PPP1R15A: variants seen among roughly 807,000 people sequenced by gnomAD.
The protein encoded by PPP1R15A is protein phosphatase 1 regulatory subunit 15A.
PPP1R15A carries 43 observed loss-of-function variants against 48.5 expected under a neutral mutation model. That is an observed-to-expected ratio of 0.89 (90% CI 0.69 to 1.14). The LOEUF is 1.14. Among genes scored for constraint, PPP1R15A ranks in the 50% most tolerant of loss-of-function variants. PPP1R15A has a pLI of 0.00. For missense variants in PPP1R15A, 868 were observed against 847.2 expected (o/e 1.02, Z -0.30); for synonymous variants, 327 against 327.4 (o/e 1.00, Z 0.01).
At chr19:48,874,988 T>C (rs595982) in intron 2 of PPP1R15A, 90 bp downstream of exon 2, 471,004 of 1,377,576 alleles carry the variant, frequency 0.34, 83,294 homozygotes, top group African/African-American at 0.52. Flanking sequence ...TGCAGCGGCA[T>C]GATCTTGGCT....
Position 48,874,101 on chromosome 19 carries a change from T to A in PPP1R15A, c.868T>A (p.Ser290Thr), listed in dbSNP as rs2037046385. 7 of 1,614,114 alleles carry A rather than the reference T, an allele frequency of 4.3e-6. No individual in the cohort carries two copies. The highest frequency in any genetic ancestry group is 5.9e-6 in the Non-Finnish European group (7 of 1,180,036). Residue 290 changes from serine (S) to threonine (T), a missense_variant, in exon 2 of 3, where the codon TCC (serine) becomes ACC (threonine). Transcript: ENST00000200453. The stretch of plus-strand genomic sequence containing the variant: ...AGGAGAAGCTGCCCCAGGGCCGCAA[T>A]CCTCAGCCCCAGCCCAGAGGCCCCA... ...GKGEAAPGPQ[S>T]SAPAQRPQLK...
At chr19:48,875,104 AT>A (rs2037065313) in intron 2 of PPP1R15A, 2 of 564,312 alleles carry the variant, frequency 3.5e-6, no homozygotes, top group African/African-American at 1.9e-5. Context: ...TTTTTTTTGT[AT>A]TTTTAGTAGA....
chr19:48,874,166 G>A lies in PPP1R15A; in HGVS notation c.933G>A (p.Glu311=), dbSNP rs147205273. ...SWWCQPSDEE[E]GEVKALGAAE... is the part of the protein sequence containing the mutation. ...GGTGCCAACCCAGTGATGAAGAGGA[G>A]GGTGAGGTCAAGGCTTTGGGGGCAG... Residue 311 remains glutamate (E), a synonymous_variant, in exon 2 of 3, where the codon GAG becomes GAA. Coordinates refer to ENST00000200453, the MANE Select transcript of PPP1R15A (RefSeq NM_014330.5). 6.7e-5 allele frequency: 108 copies of A among 1,614,154 alleles called. No individual in the cohort carries two copies. The African/African-American group carries it at 1.4e-3, about 21-fold the overall frequency.
intron 2 of PPP1R15A, 25 bp downstream of exon 2, chr19:48,874,923 A>AT (rs146617539): frequency 0.044 from 58,233 of 1,315,116 alleles, 16 homozygotes; most frequent in South Asian, 0.05. Flanking sequence ...CCCAGATTCT[A>AT]TTTTTTTTTT....
intron 2 of PPP1R15A, 167 bp from the exon 3 acceptor site, chr19:48,875,447 A>T: frequency 1.2e-6 from 1 of 833,148 alleles, no homozygotes; most frequent in Non-Finnish European, 1.7e-6. Flanking sequence ...TGAGTCAGAT[A>T]GATAGAGAAT....
In PPP1R15A at chr19:48,873,470, T is replaced by G. The variant is rs758409379; in HGVS notation, c.237T>G (p.Pro79=). 6.2e-7 allele frequency: 1 copy of G among 1,613,942 alleles called. No homozygotes were observed. Among genetic ancestry groups the G allele is most frequent in the Admixed American group, 1.7e-5 (1 of 59,962 alleles). The change falls in exon 2 of 3, where the codon CCT becomes CCG. Residue 79 remains proline, a synonymous_variant. Transcript: ENST00000200453. ...CCCATACCCCTTGGGGCAGACGCCC[T>G]GAAGAGGAGGCTGAAGACAGTGGAG... ...AIPHTPWGRR[P]EEEAEDSGGP...
intron 2 of PPP1R15A, 116 bp from the exon 3 acceptor site, chr19:48,875,498 C>T: frequency 1.5e-6 from 2 of 1,344,742 alleles, no homozygotes; most frequent in South Asian, 2.8e-5. Flanking sequence ...AGATAGAAAG[C>T]ATTTTTGTGT....
chr19:48,875,034 C>T (rs1219119495), intron 2 of PPP1R15A, 136 bp downstream of exon 2: 2 of 1,102,964 alleles, frequency 1.8e-6, no homozygotes, highest in South Asian at 4.3e-5. Context: ...TCAGGCGATT[C>T]TCGTGCCTCA....
At position 48,875,707 on chromosome 19, in the gene PPP1R15A, C is replaced by A. The variant is rs538298636; in HGVS notation, c.1759C>A (p.Arg587=). The change falls in exon 3 of 3, where the codon CGG becomes AGG. Residue 587 remains arginine (R), a synonymous_variant. Coordinates refer to ENST00000200453, the MANE Select transcript of PPP1R15A (RefSeq NM_014330.5). ...CCAGGGCCCCTGGGAGCAGCTTGCT[C>A]GGGATCGCAGCCGCTTCGCACGCCG... The part of the protein sequence containing the change: ...ARQGPWEQLA[R]DRSRFARRIT... 4.3e-6 allele frequency: 7 copies of A among 1,612,532 alleles called. No individual in the cohort carries two copies. The highest frequency in any genetic ancestry group is 5.9e-6 in the Non-Finnish European group (7 of 1,179,392).
At position 48,873,704 on chromosome 19, in the gene PPP1R15A, C is replaced by T. The variant is rs766671787; in HGVS notation, c.471C>T (p.Asn157=). Residue 157 remains asparagine (N), a synonymous_variant, in exon 2 of 3, where the codon AAC becomes AAT. Coordinates refer to ENST00000200453, the MANE Select transcript of PPP1R15A (RefSeq NM_014330.5). Reference sequence around the variant, plus strand: ...GGACACTGCAAGGTTCTGATAAGAACCCAGGGGAGGAGAAAGCCGAGGAAG... The same window carrying T: ...GGACACTGCAAGGTTCTGATAAGAATCCAGGGGAGGAGAAAGCCGAGGAAG... ...LIRTLQGSDK[N]PGEEKAEEEG... 1.4e-5 allele frequency: 22 copies of T among 1,614,016 alleles called. No homozygotes were observed. The Middle Eastern group carries it at 6.6e-4, about 48-fold the overall frequency.
Position 48,874,166 on chromosome 19 carries a change from G to C in PPP1R15A, c.933G>C (p.Glu311Asp). 1 of 1,614,154 alleles carries C rather than the reference G, an allele frequency of 6.2e-7. No individual in the cohort carries two copies. The highest frequency in any genetic ancestry group is 2.2e-5 in the East Asian group (1 of 44,882). Reference protein sequence around the residue: ...SWWCQPSDEEEGEVKALGAAE... With the variant: ...SWWCQPSDEEDGEVKALGAAE... Reference sequence around the variant, plus strand: ...GGTGCCAACCCAGTGATGAAGAGGAGGGTGAGGTCAAGGCTTTGGGGGCAG... The same window carrying C: ...GGTGCCAACCCAGTGATGAAGAGGACGGTGAGGTCAAGGCTTTGGGGGCAG... The change falls in exon 2 of 3, where the codon GAG becomes GAC. Residue 311 changes from glutamate (E) to aspartate (D), a missense_variant. Coordinates refer to ENST00000200453, the MANE Select transcript of PPP1R15A (RefSeq NM_014330.5).
Position 48,874,888 on chromosome 19 carries a change from AG to A in PPP1R15A, c.1657del (p.Ala553ProfsTer51). ...GATCCGGACCCTGAGACTCCCCTAAAGGCCAGAAAGGTAGGTGCTGAGAGCC... is the reference window on the plus strand; with the variant it reads ...GATCCGGACCCTGAGACTCCCCTAAAGCCAGAAAGGTAGGTGCTGAGAGCC... The part of the protein sequence containing the change: ...THDPDPETPL[K>X]ARKVRFSEKV... On this transcript the variant is annotated frameshift_variant, in exon 2 of 3. Transcript: ENST00000200453. LOFTEE classifies it low-confidence loss of function (END_TRUNC). 1 of 1,555,402 alleles carries A rather than the reference AG, an allele frequency of 6.4e-7. No homozygotes were observed. Among genetic ancestry groups the A allele is most frequent in the Non-Finnish European group, 8.6e-7 (1 of 1,157,732 alleles).
rs2037020536 is a variant in PPP1R15A at position 48,872,557 on chromosome 19, A to C, written c.-104A>C. ...GAGCCCGACGCCTGAGGGTGAGATG[A>C]ACGCGCTGGCCTCCCTAACCGTCCG... On this transcript the variant is annotated 5_prime_UTR_variant, in exon 1 of 3. Coordinates refer to ENST00000200453, the MANE Select transcript of PPP1R15A (RefSeq NM_014330.5). The C allele has an allele frequency of 6.6e-6, 3 of 454,464 alleles. No homozygotes were observed. The allele number at this position is 454,464 out of a possible 1,614,324, so 28.2% of individuals were successfully genotyped here.
At position 48,874,664 on chromosome 19, in the gene PPP1R15A, C is replaced by T. The variant is rs746721951; in HGVS notation, c.1431C>T (p.Ala477=). The change falls in exon 2 of 3, where the codon GCC becomes GCT. Residue 477 remains alanine, a synonymous_variant. Coordinates refer to ENST00000200453, the MANE Select transcript of PPP1R15A (RefSeq NM_014330.5). ...DPHPSHPDQR[A]HFRGWGYRPG... The stretch of plus-strand genomic sequence containing the variant: ...ATCCCTCCCACCCGGACCAGAGGGC[C>T]CACTTCAGGGGCTGGGGATATCGAC... 6.2e-7 allele frequency: 1 copy of T among 1,613,842 alleles called. No homozygotes were observed. The highest frequency in any genetic ancestry group is 8.5e-7 in the Non-Finnish European group (1 of 1,179,820).
At position 48,873,252 on chromosome 19, in the gene PPP1R15A, C is replaced by A. The variant is rs1234010932; in HGVS notation, c.19C>A (p.Pro7Thr). 1 of 1,535,862 alleles carries A rather than the reference C, an allele frequency of 6.5e-7. No individual in the cohort carries two copies. Among genetic ancestry groups the A allele is most frequent in the African/African-American group, 1.4e-5 (1 of 71,878 alleles). Residue 7 changes from proline (P) to threonine (T), a missense_variant, in exon 2 of 3, where the codon CCC becomes ACC. Pro to Thr is a conservative substitution (Grantham distance 38, BLOSUM62 -1). Coordinates refer to ENST00000200453, the MANE Select transcript of PPP1R15A (RefSeq NM_014330.5). MAPGQA[P>T]HQATPWRDAH... The stretch of plus-strand genomic sequence containing the variant: ...CAGACACATGGCCCCAGGCCAAGCA[C>A]CCCATCAGGCTACCCCGTGGAGGGA...
intron 1 of PPP1R15A, among the ~76,000 whole-genome samples, chr19:48,872,977 A>G (rs1324307691): frequency 1.3e-5 from 2 of 152,064 alleles, no homozygotes; most frequent in African/African-American, 4.8e-5. Context: ...CTGAAGAAAG[A>G]GAGGGCTGGG....
Position 48,875,697 on chromosome 19 carries a change from G to A in PPP1R15A, c.1749G>A (p.Glu583=), listed in dbSNP as rs1456013388. The change falls in exon 3 of 3, where the codon GAG becomes GAA. Residue 583 remains glutamate, a synonymous_variant. Coordinates refer to ENST00000200453, the MANE Select transcript of PPP1R15A (RefSeq NM_014330.5). ...AGGCCGCCCGCCAGGGCCCCTGGGAGCAGCTTGCTCGGGATCGCAGCCGCT... is the reference window on the plus strand; with the variant it reads ...AGGCCGCCCGCCAGGGCCCCTGGGAACAGCTTGCTCGGGATCGCAGCCGCT... ...PAQAARQGPW[E]QLARDRSRFA... 8 of 1,612,394 alleles carry A rather than the reference G, an allele frequency of 5.0e-6. No individual in the cohort carries two copies. The highest frequency in any genetic ancestry group is 6.8e-6 in the Non-Finnish European group (8 of 1,179,544).
chr19:48,873,149 C>T, intron 1 of PPP1R15A, 76 bp from the exon 2 acceptor site: 1 of 1,412,940 alleles, frequency 7.1e-7, no homozygotes, highest in African/African-American at 1.4e-5. Flanking sequence ...ATTTCCGTTG[C>T]TATGACTCAT....
rs1416750725 is a variant in PPP1R15A at position 48,874,084 on chromosome 19, C to G, written c.851C>G (p.Ala284Gly). The G allele has an allele frequency of 6.2e-7, 1 of 1,614,192 alleles. No homozygotes were observed. Among genetic ancestry groups the G allele is most frequent in the South Asian group, 1.1e-5 (1 of 91,088 alleles). The stretch of plus-strand genomic sequence containing the variant: ...CACAAAGAAACTGGGAAAGGAGAAG[C>G]TGCCCCAGGGCCGCAATCCTCAGCC... ...KAHKETGKGE[A>G]APGPQSSAPA... The change falls in exon 2 of 3, where the codon GCT becomes GGT. Residue 284 changes from alanine to glycine, a missense_variant. By Grantham distance (60) the Ala-to-Gly change is moderately conservative. Transcript: ENST00000200453.
Sources: gnomAD v4.1 joint callset for allele counts (sites outside exome capture counted in the v4.1 genomes callset) on GRCh38, gnomAD v4.1.1 for gene constraint, MANE v1.5 for transcripts, NCBI Gene and HGNC (gene_info 2026-07-23, HGNC 2026-07-21) for gene names.